Variants in CDH13 observed in about 807,000 individuals in gnomAD.
CDH13 encodes the protein cadherin 13.
CDH13 carries 24 observed loss-of-function variants against 63.8 expected under a neutral mutation model. The observed-to-expected ratio is 0.38, with a 90% CI of 0.27 to 0.53. The LOEUF is 0.53. CDH13 is among the 20% of genes least tolerant of loss of function. CDH13 has a pLI of 0.85. For synonymous variants in CDH13, 503 were observed against 355.3 expected, an observed-to-expected ratio of 1.42 and a Z score of -4.67; for missense variants, 1,049 against 903.1, an observed-to-expected ratio of 1.16 and a Z score of -2.07.
chr16:83,354,661 A>G (rs1231495545), intron 6 of CDH13, among the ~76,000 whole-genome samples: 2 of 152,212 alleles, frequency 1.3e-5, no homozygotes, highest in African/African-American at 4.8e-5. Context: ...CTACCAAGTA[A>G]AGGCATGGAG....
intron 6 of CDH13, among the ~76,000 whole-genome samples, chr16:83,414,901 C>T (rs1303019312): frequency 1.3e-5 from 2 of 152,160 alleles, no homozygotes; most frequent in African/African-American, 4.8e-5. Context: ...TATCTTCAAA[C>T]TATCTCTTGA....
At chr16:82,695,006 G>A (rs1213176358) in intron 1 of CDH13, among the ~76,000 whole-genome samples, 4 of 152,130 alleles carry the variant, frequency 2.6e-5, no homozygotes, top group Non-Finnish European at 4.4e-5. Context: ...GTGTGGGGAG[G>A]GTGGAGACAG....
At chr16:83,417,511 A>T (rs1466147020) in intron 6 of CDH13, among the ~76,000 whole-genome samples, 2 of 152,038 alleles carry the variant, frequency 1.3e-5, no homozygotes, top group East Asian at 3.9e-4. Flanking sequence ...TTGCCTTTCC[A>T]ATTTATCCTG....
intron 10 of CDH13, among the ~76,000 whole-genome samples, chr16:83,747,893 A>G (rs1466417942): frequency 2.0e-5 from 3 of 151,948 alleles, no homozygotes; most frequent in Non-Finnish European, 4.4e-5. Context: ...CAAGAGGAAT[A>G]AAGGAGGCAC....
At chr16:83,767,708 C>T (rs557967183) in intron 11 of CDH13, among the ~76,000 whole-genome samples, 2 of 152,280 alleles carry the variant, frequency 1.3e-5, no homozygotes, top group South Asian at 4.1e-4. Context: ...ACATGTACAA[C>T]CCTCAAAAAC....
At chr16:83,083,396 GC>G (rs1440740163) in intron 3 of CDH13, among the ~76,000 whole-genome samples, 1 of 152,146 alleles carries the variant, frequency 6.6e-6, no homozygotes, top group Non-Finnish European at 1.5e-5. Flanking sequence ...TATAAAGAAG[GC>G]AAAACAAGTG....
At chr16:83,325,403 T>C (rs1408835127) in intron 5 of CDH13, among the ~76,000 whole-genome samples, 3 of 152,158 alleles carry the variant, frequency 2.0e-5, no homozygotes, top group African/African-American at 7.2e-5. Context: ...CTTTAACTAC[T>C]TCTTCCTTTT....
intron 11 of CDH13, among the ~76,000 whole-genome samples, chr16:83,778,390 C>A (rs1363428676): frequency 6.6e-6 from 1 of 152,012 alleles, no homozygotes; most frequent in East Asian, 1.9e-4. Flanking sequence ...ATTAGCTGGA[C>A]ATTGTGTTGC....
chr16:82,852,220 G>C (rs902407751), intron 1 of CDH13, among the ~76,000 whole-genome samples: 1 of 152,178 alleles, frequency 6.6e-6, no homozygotes, highest in African/African-American at 2.4e-5. Context: ...TGGCCTCTGG[G>C]ATATATCTGT....
chr16:83,054,332 T>G (rs7202812), intron 3 of CDH13, among the ~76,000 whole-genome samples: 150 of 152,260 alleles, frequency 9.9e-4, no homozygotes, highest in African/African-American at 3.4e-3. Context: ...AATAGTAAAA[T>G]AGAACAATTA....
At chr16:83,035,782 G>T (rs1916793589) in intron 3 of CDH13, among the ~76,000 whole-genome samples, 1 of 152,136 alleles carries the variant, frequency 6.6e-6, no homozygotes, top group African/African-American at 2.4e-5. Context: ...CCTCTATGTA[G>T]TTTTGATTTT....
At chr16:82,941,099 T>C (rs1280054472) in intron 2 of CDH13, among the ~76,000 whole-genome samples, 3 of 152,032 alleles carry the variant, frequency 2.0e-5, no homozygotes, top group African/African-American at 7.2e-5. Context: ...AAATGAGAGA[T>C]TGGATGAAAA....
At position 82,723,570 on chromosome 16, in the gene CDH13, G is replaced by C. The variant is rs2032913909; in HGVS notation, c.45+96433G>C. Among the ~76,000 whole-genome samples the C allele has an allele frequency of 2.0e-5, 3 of 152,248 alleles. No homozygotes were observed. In the South Asian group the frequency reaches 6.2e-4, roughly 32 times the overall value. On this transcript the variant is annotated intron_variant, in intron 1 of 13. Coordinates refer to ENST00000567109, the MANE Select transcript of CDH13 (RefSeq NM_001257.5). The stretch of plus-strand genomic sequence containing the variant: ...CTGCCACCTGGAAGAAGAGGATCTG[G>C]TGGGGGACAGTGGAGCCACAAGATG...
chr16:83,359,774 C>A (rs868600451), intron 6 of CDH13, among the ~76,000 whole-genome samples: 1 of 152,202 alleles, frequency 6.6e-6, no homozygotes. Context: ...CACTCTTTCT[C>A]AGTTTTAATG....
intron 1 of CDH13, among the ~76,000 whole-genome samples, chr16:82,842,139 CACATATATATAT>C (rs2039052519): frequency 1.8e-5 from 1 of 57,128 alleles, no homozygotes; most frequent in African/African-American, 6.4e-5. Flanking sequence ...TATATATATA[CACATATATATAT>C]ATATATATAT....
intron 6 of CDH13, among the ~76,000 whole-genome samples, chr16:83,472,435 G>A (rs1361878719): frequency 1.3e-5 from 2 of 152,208 alleles, no homozygotes; most frequent in East Asian, 3.9e-4. Flanking sequence ...AGACTGGGGA[G>A]AGCAGGAGCC....
intron 1 of CDH13, among the ~76,000 whole-genome samples, chr16:82,685,078 C>T (rs1214691130): frequency 6.6e-6 from 1 of 152,184 alleles, no homozygotes; most frequent in Admixed American, 6.5e-5. Context: ...AGTGCGCAGA[C>T]ATTGCCAGGC....
chr16:82,789,499 A>G (rs1192127087), intron 1 of CDH13, among the ~76,000 whole-genome samples: 1 of 152,168 alleles, frequency 6.6e-6, no homozygotes, highest in Non-Finnish European at 1.5e-5. Context: ...ACACTTCGCC[A>G]TTCAGGGATT....
chr16:83,129,495 C>A (rs978285684), intron 4 of CDH13, among the ~76,000 whole-genome samples: 1 of 152,114 alleles, frequency 6.6e-6, no homozygotes, highest in African/African-American at 2.4e-5. Flanking sequence ...TTTATGAAGC[C>A]AGCTACCCCT....
Sources: gnomAD v4.1 joint callset for allele counts (sites outside exome capture counted in the v4.1 genomes callset) on GRCh38, gnomAD v4.1.1 for gene constraint, MANE v1.5 for transcripts, NCBI Gene and HGNC (gene_info 2026-07-23, HGNC 2026-07-21) for gene names.